Variants in PRDM4 observed in about 807,000 individuals in gnomAD.
PRDM4 encodes the protein PR domain zinc finger protein 4.
In PRDM4, 38 loss-of-function variants were observed where a neutral mutation model predicts 62.3. The observed-to-expected ratio is 0.61, with a 90% confidence interval of 0.47 to 0.80. The LOEUF is 0.80. Ranked by LOEUF, PRDM4 falls within the 30% of genes least tolerant of loss-of-function variation. PRDM4 has a pLI of 0.00. For missense variants in PRDM4, 858 were observed against 997.1 expected, an observed-to-expected ratio of 0.86 and a Z score of 1.88; for synonymous variants, 339 against 348.2, an observed-to-expected ratio of 0.97 and a Z score of 0.30.
chr12:107,745,471 G>A (rs1163900880), intron 6 of PRDM4, among the ~76,000 whole-genome samples: 5 of 151,898 alleles, frequency 3.3e-5, no homozygotes, highest in Admixed American at 1.3e-4. Context: ...GGAAGGTTGC[G>A]GCAGGATGAT....
rs1890958190 is a variant in PRDM4 at position 107,753,297 on chromosome 12, TGAGGTGA to T, written c.331+620_331+626del. Among the ~76,000 whole-genome samples the T allele has an allele frequency of 3.3e-5, 5 of 151,036 alleles. No individual in the cohort carries two copies. The South Asian group carries it at 1.0e-3, about 31-fold the overall frequency. On this transcript the variant is annotated intron_variant, in intron 4 of 11. Coordinates refer to ENST00000228437, the MANE Select transcript of PRDM4 (RefSeq NM_012406.4). ...CTGTATTCCAAGCTACTCAAGAGTC[TGAGGTGA>T]GAGAATCACTGGAGTCCAGGAGTTC...
chr12:107,743,391 G>C, intron 7 of PRDM4, 109 bp from the exon 8 acceptor site: 2 of 716,958 alleles, frequency 2.8e-6, no homozygotes, highest in South Asian at 1.7e-5. Context: ...GTAGGTCCCA[G>C]CTTTCTTAGT....
intron 2 of PRDM4, among the ~76,000 whole-genome samples, chr12:107,757,793 C>A (rs975498421): frequency 6.6e-6 from 1 of 152,146 alleles, no homozygotes; most frequent in Non-Finnish European, 1.5e-5. Flanking sequence ...CTAGGAATCA[C>A]CTTTTCTATG....
chr12:107,735,299 T>C (rs143579892), intron 11 of PRDM4, among the ~76,000 whole-genome samples: 2 of 152,334 alleles, frequency 1.3e-5, no homozygotes, highest in East Asian at 1.9e-4. Flanking sequence ...GGTTTTCCAA[T>C]GTAGTTGTTT....
intron 5 of PRDM4, among the ~76,000 whole-genome samples, chr12:107,749,535 T>C (rs1326104721): frequency 1.3e-5 from 2 of 151,820 alleles, no homozygotes; most frequent in African/African-American, 4.8e-5. Flanking sequence ...CATGGCCTTC[T>C]CTACTTACCT....
chr12:107,743,405 A>G (rs1227168124), intron 7 of PRDM4, 123 bp from the exon 8 acceptor site: 7 of 648,874 alleles, frequency 1.1e-5, no homozygotes, highest in Non-Finnish European at 1.9e-5. Flanking sequence ...TCTTAGTGGG[A>G]AAATATATTC....
In PRDM4 at chr12:107,751,569, T is replaced by C. The variant is rs1175191886; in HGVS notation, c.972A>G (p.Leu324=). ...SVSLHEVGLS[L]EPVAVSSITQ... Reference sequence around the variant, plus strand: ...TGATGGAGGAGACAGCCACAGGTTCTAGGCTGAGGCCAACTTCATGGAGGG... The same window carrying C: ...TGATGGAGGAGACAGCCACAGGTTCCAGGCTGAGGCCAACTTCATGGAGGG... The change falls in exon 5 of 12, where the codon CTA becomes CTG. Residue 324 remains leucine (L), a synonymous_variant. Coordinates refer to ENST00000228437, the MANE Select transcript of PRDM4 (RefSeq NM_012406.4). 1.2e-6 allele frequency: 2 copies of C among 1,613,200 alleles called. No homozygotes were observed. Among genetic ancestry groups the C allele is most frequent in the African/African-American group, 1.3e-5 (1 of 74,912 alleles).
In PRDM4 at chr12:107,739,519, T is replaced by G; in HGVS notation, c.1957A>C (p.Lys653Gln). ...AGGTGAGCCTTCTGGGTGAAAGACT[T>G]GTCACACAAGGTACACCTGTAGTTC... is the stretch of plus-strand genomic sequence containing the variant. ...QKNYRCTLCD[K>Q]SFTQKAHLES... The change falls in exon 11 of 12, where the codon AAG becomes CAG. Residue 653 changes from lysine to glutamine, a missense_variant. Physicochemically the swap from Lys to Gln is moderately conservative, Grantham distance 53. This residue lies in a region of PRDM4 where 355 missense variants were observed against 432.6 expected (regional missense o/e 0.82). Transcript: ENST00000228437. 1 of 1,613,988 alleles carries G rather than the reference T, an allele frequency of 6.2e-7. No homozygotes were observed.
intron 2 of PRDM4, among the ~76,000 whole-genome samples, chr12:107,757,826 A>G (rs1392121580): frequency 2.6e-5 from 4 of 152,218 alleles, no homozygotes; most frequent in African/African-American, 9.7e-5. Context: ...CACTGCCATT[A>G]CAAATGTCTT....
At chr12:107,735,420 C>A (rs922654269) in intron 11 of PRDM4, among the ~76,000 whole-genome samples, 19 of 152,214 alleles carry the variant, frequency 1.2e-4, no homozygotes, top group Admixed American at 2.0e-4. Flanking sequence ...TCTCATTACA[C>A]CGTTATTTGT....
chr12:107,754,122 ATT>A lies in PRDM4; in HGVS notation c.146-15_146-14del. On this transcript the variant is annotated splice_polypyrimidine_tract_variant and intron_variant, in intron 3 of 11. Coordinates refer to ENST00000228437, the MANE Select transcript of PRDM4 (RefSeq NM_012406.4). ...GCCACTGGGAGGCCTACAAAACAAA[ATT>A]TTTTTTCTCAGTTAAAAGAAAATAG... The A allele has an allele frequency of 6.4e-7, 1 of 1,559,536 alleles. No homozygotes were observed. Among genetic ancestry groups the A allele is most frequent in the Non-Finnish European group, 8.7e-7 (1 of 1,149,938 alleles).
chr12:107,752,244 T>C (rs769024940), intron 4 of PRDM4, 35 bp from the exon 5 acceptor site: 6 of 1,460,228 alleles, frequency 4.1e-6, no homozygotes, highest in Admixed American at 3.5e-5. Flanking sequence ...TCAGAGACTT[T>C]TAGTACATTA....
At chr12:107,747,750 A>T (rs1014938599) in intron 5 of PRDM4, among the ~76,000 whole-genome samples, 3 of 152,106 alleles carry the variant, frequency 2.0e-5, no homozygotes, top group African/African-American at 7.2e-5. Flanking sequence ...AACCATTCAC[A>T]AAATAGTTGG....
chr12:107,756,666 A>C (rs1891074806), intron 3 of PRDM4, among the ~76,000 whole-genome samples, 166 bp downstream of exon 3: 1 of 152,078 alleles, frequency 6.6e-6, no homozygotes, highest in Non-Finnish European at 1.5e-5. Context: ...CCTCTACAAA[A>C]ACCTTATTTT....
intron 10 of PRDM4, chr12:107,739,768 AG>A: frequency 2.5e-6 from 1 of 403,334 alleles, no homozygotes; most frequent in Non-Finnish European, 4.4e-6. Context: ...GATCTCCTTT[AG>A]GACCTCTGAC....
intron 3 of PRDM4, 80 bp from the exon 4 acceptor site, chr12:107,754,189 TAGAA>T (rs1339612636): frequency 4.2e-6 from 5 of 1,200,038 alleles, no homozygotes; most frequent in Non-Finnish European, 5.7e-6. Context: ...GCTAAACTCT[TAGAA>T]AGGTTTTTAC....
chr12:107,746,201 AC>A (rs1890698139), intron 6 of PRDM4, 73 bp downstream of exon 6: 2 of 1,536,214 alleles, frequency 1.3e-6, no homozygotes, highest in African/African-American at 2.8e-5. Context: ...TAAATTATAC[AC>A]ATCCACTTTT....
At chr12:107,735,036 C>A (rs186797696) in intron 11 of PRDM4, among the ~76,000 whole-genome samples, 3 of 152,224 alleles carry the variant, frequency 2.0e-5, no homozygotes, top group Admixed American at 2.0e-4. Context: ...GTTGCCCAGA[C>A]TGGAGTGCAA....
At chr12:107,747,313 C>T (rs935063281) in intron 5 of PRDM4, among the ~76,000 whole-genome samples, 5 of 150,810 alleles carry the variant, frequency 3.3e-5, no homozygotes, top group African/African-American at 4.9e-5. Flanking sequence ...AATATGGCCA[C>T]GGTGGTACAG....
Sources: gnomAD v4.1 joint callset for allele counts (sites outside exome capture counted in the v4.1 genomes callset) on GRCh38, gnomAD v4.1.1 for gene constraint, gnomAD v4.1.1 regional missense constraint, MANE v1.5 for transcripts, NCBI Gene and HGNC (gene_info 2026-07-23, HGNC 2026-07-21) for gene names.